SRRM1: variants seen among roughly 807,000 people sequenced by gnomAD.
SRRM1 encodes serine and arginine repetitive matrix 1, also known as serine/arginine repetitive matrix protein 1.
In SRRM1, 19 loss-of-function variants were observed where a neutral mutation model predicts 110.2. That is an observed-to-expected ratio of 0.17 (90% confidence interval 0.12 to 0.25). The LOEUF (loss-of-function observed/expected upper bound fraction) is 0.25, where lower values mean the gene tolerates loss of function less well. Ranked by LOEUF, SRRM1 falls within the 10% of genes least tolerant of loss-of-function variation. SRRM1 has a pLI of 1.00. For synonymous variants in SRRM1, 443 were observed against 414.9 expected, an observed-to-expected ratio of 1.07 and a Z score of -0.82; for missense variants, 918 against 1,145.8, an observed-to-expected ratio of 0.80 and a Z score of 2.87.
At chr1:24,667,545 A>AT (rs1670610202) in intron 13 of SRRM1, among the ~76,000 whole-genome samples, 1 of 152,334 alleles carries the variant, frequency 6.6e-6, no homozygotes, top group South Asian at 2.1e-4. Flanking sequence ...CAGTCTTATT[A>AT]TTAGGAAATA....
chr1:24,645,059 A>G (rs1656580176), intron 1 of SRRM1, among the ~76,000 whole-genome samples: 1 of 152,180 alleles, frequency 6.6e-6, no homozygotes, highest in Non-Finnish European at 1.5e-5. Flanking sequence ...GTAGTATAGA[A>G]GTTATATCTT....
At chr1:24,654,764 A>G in intron 8 of SRRM1, 91 bp from the exon 9 acceptor site, 2 of 1,478,540 alleles carry the variant, frequency 1.4e-6, no homozygotes, top group Non-Finnish European at 1.9e-6. Context: ...AGTCGGATTA[A>G]AATAGCTGTA....
Position 24,651,547 on chromosome 1 carries a change from T to A in SRRM1, c.660T>A (p.Thr220=), listed in dbSNP as rs376472293. ...CTGCTCCAGAAAAGAAGGAAAAAAC[T>A]CCAGAGCTCCCAGAACCTTCAGTGA... ...PSPAPEKKEK[T]PELPEPSVKV... Residue 220 remains threonine (T), a synonymous_variant, in exon 6 of 17, where the codon ACT becomes ACA. Coordinates refer to ENST00000323848, the MANE Select transcript of SRRM1 (RefSeq NM_005839.4). 84 of 1,613,770 alleles carry A rather than the reference T, an allele frequency of 5.2e-5. No individual in the cohort carries two copies. Among genetic ancestry groups the A allele is most frequent in the Non-Finnish European group, 6.4e-5 (76 of 1,180,010 alleles).
rs750924193 is a variant in SRRM1, at chr1:24,671,496, G to GGCTGCAGCT, written c.2525_2533dup (p.Ala842_Ala844dup). 59 of 1,612,750 alleles carry GGCTGCAGCT rather than the reference G, an allele frequency of 3.7e-5. No individual in the cohort carries two copies. Among genetic ancestry groups the GGCTGCAGCT allele is most frequent in the East Asian group, 4.5e-5 (2 of 44,902 alleles). ...AAAAACACAAGAAGGAAAAGGCTGT[G>GGCTGCAGCT]GCTGCAGCTGCTGCAGCTGCTGTGA... On this transcript the variant is annotated inframe_insertion, in exon 16 of 17. Transcript: ENST00000323848.
chr1:24,673,214 C>T lies in SRRM1; in HGVS notation c.*928C>T, dbSNP rs1231969789. 1 of 150,962 alleles carries T rather than the reference C, an allele frequency of 6.6e-6. No homozygotes were observed. Among genetic ancestry groups the T allele is most frequent in the Non-Finnish European group, 1.5e-5 (1 of 67,840 alleles). 9.4% of individuals were successfully genotyped at this position (150,962 alleles called of 1,614,324 possible). On this transcript the variant is annotated 3_prime_UTR_variant, in exon 17 of 17. Transcript: ENST00000323848. ...TTTTTTTGTTTTGATTTTTTTTAAA[C>T]TAAAGCTATATAAAGCTTGTGGATT...
At chr1:24,668,070 C>A (rs891294018) in intron 13 of SRRM1, among the ~76,000 whole-genome samples, 1 of 141,304 alleles carries the variant, frequency 7.1e-6, no homozygotes, top group Non-Finnish European at 1.5e-5. Context: ...CTCCTGGGTT[C>A]AAGCGATTCT....
chr1:24,661,251 T>G, intron 10 of SRRM1, 59 bp from the exon 11 acceptor site: 1 of 1,303,220 alleles, frequency 7.7e-7, no homozygotes, highest in East Asian at 2.3e-5. Flanking sequence ...CCTATTCAAA[T>G]TGCAAATTTT....
chr1:24,655,191 T>G, intron 9 of SRRM1, 62 bp downstream of exon 9: 2 of 1,548,068 alleles, frequency 1.3e-6, no homozygotes, highest in Non-Finnish European at 1.8e-6. Context: ...CGTAGTCAGT[T>G]ATTGCCCCCT....
chr1:24,654,810 C>T lies in SRRM1; in HGVS notation c.1041-45C>T, dbSNP rs146815396. Reference sequence around the variant, plus strand: ...AACTGTTCATACCTGTAAGGCCGTTCTTTATAAGTGTGCAATTAGTGAATA... The same window carrying T: ...AACTGTTCATACCTGTAAGGCCGTTTTTTATAAGTGTGCAATTAGTGAATA... On this transcript the variant is annotated intron_variant, in intron 8 of 16. Transcript: ENST00000323848. The T allele has an allele frequency of 1.6e-5, 25 of 1,609,752 alleles. No homozygotes were observed. The African/African-American group carries it at 2.7e-4, about 17-fold the overall frequency.
intron 5 of SRRM1, among the ~76,000 whole-genome samples, chr1:24,650,900 G>A (rs551459976): frequency 6.6e-6 from 1 of 152,282 alleles, no homozygotes; most frequent in Admixed American, 6.5e-5. Context: ...TTAAGAAAGA[G>A]GGCTTCTCCT....
intron 12 of SRRM1, among the ~76,000 whole-genome samples, chr1:24,665,215 T>A (rs1669307704): frequency 6.6e-6 from 1 of 151,050 alleles, no homozygotes; most frequent in South Asian, 2.1e-4. Context: ...TCACCTGAGA[T>A]CAGACGTTTG....
chr1:24,652,053 T>TATATATATATATAC (rs1434684262), intron 6 of SRRM1, among the ~76,000 whole-genome samples: 3 of 131,774 alleles, frequency 2.3e-5, no homozygotes, highest in South Asian at 2.4e-4. Context: ...TATATATATA[T>TATATATATATATAC]ATATATATAT....
intron 9 of SRRM1, among the ~76,000 whole-genome samples, chr1:24,660,342 G>A (rs1189068917): frequency 6.6e-6 from 1 of 152,188 alleles, no homozygotes; most frequent in African/African-American, 2.4e-5. Flanking sequence ...GAAAATCATT[G>A]TAGAACTTTT....
intron 12 of SRRM1, among the ~76,000 whole-genome samples, chr1:24,663,750 G>T (rs932102015): frequency 6.6e-6 from 1 of 151,776 alleles, no homozygotes; most frequent in Non-Finnish European, 1.5e-5. Flanking sequence ...GTTGGCGCGT[G>T]CCTGTAATCC....
intron 13 of SRRM1, among the ~76,000 whole-genome samples, chr1:24,668,850 T>A (rs1671341383): frequency 6.6e-6 from 1 of 152,248 alleles, no homozygotes; most frequent in Non-Finnish European, 1.5e-5. Flanking sequence ...ATTGACAAAT[T>A]CACATCTTCT....
intron 9 of SRRM1, among the ~76,000 whole-genome samples, chr1:24,657,593 C>T (rs977361031): frequency 1.3e-5 from 2 of 152,108 alleles, no homozygotes; most frequent in African/African-American, 2.4e-5. Context: ...TAGGGCTCTG[C>T]TCTTGATAGT....
rs1033731380 is a variant in SRRM1, at chr1:24,645,667, G to C, written c.22-317G>C. Among the ~76,000 whole-genome samples the C allele has an allele frequency of 3.3e-5, 5 of 152,132 alleles. No homozygotes were observed. The East Asian group carries it at 9.6e-4, about 29-fold the overall frequency. ...TCTCATTTAAACAGAAAAGCCCTAC[G>C]TATCTATTAGCATAGGAAAAGGTGT... On this transcript the variant is annotated intron_variant, in intron 1 of 16. Transcript: ENST00000323848.
chr1:24,643,480 GC>G, intron 1 of SRRM1, 133 bp downstream of exon 1: 2 of 520,908 alleles, frequency 3.8e-6, no homozygotes, highest in Non-Finnish European at 5.4e-6. Context: ...TAGAGCCGGC[GC>G]ACCCCCCCCC....
chr1:24,661,264 A>G lies in SRRM1; in HGVS notation c.1397-46A>G, dbSNP rs1333535762. On this transcript the variant is annotated intron_variant, in intron 10 of 16. Coordinates refer to ENST00000323848, the MANE Select transcript of SRRM1 (RefSeq NM_005839.4). Reference sequence around the variant, plus strand: ...TTCCTATTCAAATTGCAAATTTTCTATATGCTTAACTAAAGAAACACTTTC... The same window carrying G: ...TTCCTATTCAAATTGCAAATTTTCTGTATGCTTAACTAAAGAAACACTTTC... The G allele has an allele frequency of 6.1e-6, 9 of 1,468,270 alleles. No homozygotes were observed. In the African/African-American group the frequency reaches 7.0e-5, roughly 11 times the overall value. 91.0% of individuals were successfully genotyped at this position (1,468,270 alleles called of 1,614,324 possible).
Sources: gnomAD v4.1 joint callset for allele counts (sites outside exome capture counted in the v4.1 genomes callset) on GRCh38, gnomAD v4.1.1 for gene constraint, MANE v1.5 for transcripts, NCBI Gene and HGNC (gene_info 2026-07-23, HGNC 2026-07-21) for gene names.